Variants in RBFOX1 observed in about 807,000 individuals in gnomAD.
RBFOX1 encodes the protein RNA binding fox-1 homolog 1.
In RBFOX1, 8 loss-of-function variants were observed where a neutral mutation model predicts 57.7. The observed-to-expected ratio is 0.14, with a 90% CI of 0.08 to 0.25. The LOEUF (loss-of-function observed/expected upper bound fraction) is 0.25, where lower values mean the gene tolerates loss of function less well. Among genes scored for constraint, RBFOX1 ranks in the 10% least tolerant of loss-of-function variants. RBFOX1 has a pLI of 1.00. For missense variants in RBFOX1, 611 were observed against 548.5 expected (o/e 1.11, Z -1.14); for synonymous variants, 326 against 222.4 (o/e 1.47, Z -4.15).
intron 3 of RBFOX1, among the ~76,000 whole-genome samples, chr16:7,035,883 G>GACACAC: frequency 6.6e-6 from 1 of 151,168 alleles, no homozygotes; most frequent in Non-Finnish European, 1.5e-5. Context: ...TGTGAACACA[G>GACACAC]ACACACACAC....
At chr16:6,931,323 AT>A in intron 3 of RBFOX1, among the ~76,000 whole-genome samples, 1 of 126,840 alleles carries the variant, frequency 7.9e-6, no homozygotes, top group East Asian at 2.3e-4. Context: ...CTATCTATCT[AT>A]CTATCTATCT....
At chr16:6,866,584 C>T (rs894936906) in intron 3 of RBFOX1, among the ~76,000 whole-genome samples, 8 of 123,480 alleles carry the variant, frequency 6.5e-5, no homozygotes, top group Admixed American at 2.1e-4. Flanking sequence ...CTCTGTCCCC[C>T]AGGCTGGAGT....
chr16:7,342,027 C>G (rs994395036), intron 4 of RBFOX1, among the ~76,000 whole-genome samples: 1 of 152,048 alleles, frequency 6.6e-6, no homozygotes, highest in Non-Finnish European at 1.5e-5. Context: ...AGGGGGATCA[C>G]TTGTTCATTC....
chr16:7,332,711 T>C (rs1042130236), intron 4 of RBFOX1: 2 of 1,114,856 alleles, frequency 1.8e-6, no homozygotes, highest in African/African-American at 3.2e-5. Flanking sequence ...ATGAAGAGTA[T>C]TTGGTTAGTC....
chr16:5,535,707 T>G (rs1337868901), intron 2 of RBFOX1, among the ~76,000 whole-genome samples: 1 of 152,200 alleles, frequency 6.6e-6, no homozygotes, highest in Non-Finnish European at 1.5e-5. Flanking sequence ...TCCTTTCATT[T>G]TGTATTTTCT....
chr16:7,458,690 C>A (rs775461683), intron 4 of RBFOX1, among the ~76,000 whole-genome samples: 1 of 151,902 alleles, frequency 6.6e-6, no homozygotes, highest in Non-Finnish European at 1.5e-5. Context: ...TTTTCAAGTT[C>A]TTACCTAGTT....
chr16:6,149,516 G>A (rs934190368), intron 1 of RBFOX1, among the ~76,000 whole-genome samples: 5 of 152,154 alleles, frequency 3.3e-5, no homozygotes, highest in African/African-American at 1.2e-4. Flanking sequence ...TTTTACATAA[G>A]GCCCCAGAAA....
At chr16:6,821,460 T>C (rs2091288438) in intron 3 of RBFOX1, among the ~76,000 whole-genome samples, 1 of 152,246 alleles carries the variant, frequency 6.6e-6, no homozygotes, top group Non-Finnish European at 1.5e-5. Context: ...CATAGTGCAT[T>C]AATGTTGTGC....
At chr16:6,714,424 G>A (rs1182704858) in intron 3 of RBFOX1, among the ~76,000 whole-genome samples, 1 of 152,122 alleles carries the variant, frequency 6.6e-6, no homozygotes, top group Non-Finnish European at 1.5e-5. Flanking sequence ...TGAAGCCACT[G>A]ACCACTATAT....
At chr16:6,966,795 C>CTGTCTGTT (rs2084302895) in intron 3 of RBFOX1, among the ~76,000 whole-genome samples, 1 of 148,512 alleles carries the variant, frequency 6.7e-6, no homozygotes, top group African/African-American at 2.6e-5. Flanking sequence ...ATCTATCTGT[C>CTGTCTGTT]TGTCTGTCTG....
intron 5 of RBFOX1, among the ~76,000 whole-genome samples, chr16:7,574,226 A>G (rs760916225): frequency 1.6e-4 from 24 of 152,184 alleles, no homozygotes; most frequent in Non-Finnish European, 3.1e-4. Flanking sequence ...ATCGAAGGCC[A>G]CTGGGGAGAG....
At chr16:6,905,381 C>T (rs1324036026) in intron 3 of RBFOX1, among the ~76,000 whole-genome samples, 1 of 151,954 alleles carries the variant, frequency 6.6e-6, no homozygotes, top group East Asian at 1.9e-4. Flanking sequence ...GGCAAAACCC[C>T]ACCTCTACTA....
At chr16:7,124,209 G>A (rs1399891855) in intron 4 of RBFOX1, among the ~76,000 whole-genome samples, 1 of 152,108 alleles carries the variant, frequency 6.6e-6, no homozygotes, top group African/African-American at 2.4e-5. Context: ...CAAGGCAGGA[G>A]GACTGCTTGA....
intron 4 of RBFOX1, among the ~76,000 whole-genome samples, chr16:7,142,647 A>T (rs902510129): frequency 6.6e-6 from 1 of 152,172 alleles, no homozygotes; most frequent in Non-Finnish European, 1.5e-5. Flanking sequence ...ATTTTGATTG[A>T]TAACAGTTTA....
chr16:7,402,075 A>G (rs934654606), intron 4 of RBFOX1, among the ~76,000 whole-genome samples: 1 of 152,194 alleles, frequency 6.6e-6, no homozygotes, highest in Non-Finnish European at 1.5e-5. Context: ...CATGTTCCTC[A>G]GAGTCAGACT....
chr16:6,342,996 T>C (rs145860327), intron 2 of RBFOX1, among the ~76,000 whole-genome samples: 87 of 152,290 alleles, frequency 5.7e-4, no homozygotes, highest in African/African-American at 1.8e-3. Context: ...TAGGAGACCA[T>C]GGTTTTTGAT....
At chr16:6,306,606 T>C (rs1436491241) in intron 1 of RBFOX1, among the ~76,000 whole-genome samples, 1 of 152,208 alleles carries the variant, frequency 6.6e-6, no homozygotes, top group Non-Finnish European at 1.5e-5. Flanking sequence ...GAGCATTTGC[T>C]GAGAAGCCTG....
intron 1 of RBFOX1, among the ~76,000 whole-genome samples, chr16:6,087,619 A>G (rs2152523132): frequency 6.6e-6 from 1 of 151,938 alleles, no homozygotes; most frequent in South Asian, 2.1e-4. Context: ...TGGATGCAGC[A>G]TAGGAAACTC....
intron 3 of RBFOX1, among the ~76,000 whole-genome samples, chr16:6,767,935 T>TAAGAAGAAGAAGAAGAAGAAG (rs1423679473): frequency 1.5e-4 from 14 of 93,222 alleles, no homozygotes; most frequent in East Asian, 6.6e-4. Context: ...ATAATAATAA[T>TAAGAAGAAGAAGAAGAAGAAG]AATAATAATA....
Sources: gnomAD v4.1 joint callset for allele counts (sites outside exome capture counted in the v4.1 genomes callset) on GRCh38, gnomAD v4.1.1 for gene constraint, MANE v1.5 for transcripts, NCBI Gene and HGNC (gene_info 2026-07-23, HGNC 2026-07-21) for gene names.